LACTB: variants seen among roughly 807,000 people sequenced by gnomAD.
LACTB encodes the protein serine beta-lactamase-like protein LACTB, mitochondrial.
Under a neutral mutation model 50.2 loss-of-function variants are expected in LACTB, and 35 were observed. The observed-to-expected ratio is 0.70, with a 90% CI of 0.53 to 0.92. The LOEUF (loss-of-function observed/expected upper bound fraction) is 0.92. LACTB is among the 40% of genes least tolerant of loss of function. The pLI, the probability that LACTB is intolerant of heterozygous loss-of-function variation, is 0.00. For missense variants in LACTB, 664 were observed against 691.8 expected, an observed-to-expected ratio of 0.96 and a Z score of 0.45; for synonymous variants, 252 against 268.2, an observed-to-expected ratio of 0.94 and a Z score of 0.59.
At chr15:63,133,581 C>T (rs549322196) in intron 5 of LACTB, among the ~76,000 whole-genome samples, 2 of 152,284 alleles carry the variant, frequency 1.3e-5, no homozygotes, top group Non-Finnish European at 2.9e-5. Flanking sequence ...ATACCCTGCT[C>T]TCCAGCCTGG....
intron 3 of LACTB, 83 bp from the exon 4 acceptor site, chr15:63,127,270 T>G (rs1245224473): frequency 9.5e-6 from 11 of 1,158,598 alleles, no homozygotes; most frequent in Non-Finnish European, 9.8e-6. Flanking sequence ...GTGGAAAATA[T>G]TACTGAGACA....
At position 63,122,651 on chromosome 15, in the gene LACTB, C is replaced by G. The variant is rs2036992610; in HGVS notation, c.373C>G (p.Pro125Ala). Residue 125 changes from proline (P) to alanine (A), a missense_variant, in exon 2 of 6, where the codon CCG becomes GCG. By Grantham distance (27) the Pro-to-Ala change is conservative. Transcript: ENST00000261893. ...LHRIKDEVGA[P>A]GIVVGVSVDG... ...TCGGTCTTAGGATGAGGTGGGCGCA[C>G]CGGGCATAGTGGTTGGAGTTTCTGT... The G allele has an allele frequency of 6.2e-7, 1 of 1,613,600 alleles. No individual in the cohort carries two copies. The highest frequency in any genetic ancestry group is 8.5e-7 in the Non-Finnish European group (1 of 1,179,494).
intron 2 of LACTB, among the ~76,000 whole-genome samples, chr15:63,125,503 CAAGTAT>C (rs996334086): frequency 1.3e-5 from 2 of 152,052 alleles, no homozygotes; most frequent in African/African-American, 2.4e-5. Flanking sequence ...ATTCTTCCTT[CAAGTAT>C]AAGTATAATC....
intron 1 of LACTB, 27 bp from the exon 2 acceptor site, chr15:63,122,609 T>G (rs770507752): frequency 1.3e-6 from 2 of 1,585,516 alleles, no homozygotes; most frequent in East Asian, 2.2e-5. Flanking sequence ...GGCCCGTAAC[T>G]GTCGGTTCTT....
chr15:63,129,524 T>C lies in LACTB; in HGVS notation c.992T>C (p.Leu331Pro). Residue 331 changes from leucine (L) to proline (P), a missense_variant, in exon 5 of 6, where the codon CTG (leucine) becomes CCG (proline). By Grantham distance (98) the Leu-to-Pro change is moderately conservative (BLOSUM62 -3). Transcript: ENST00000261893. ...TATTCAACTTTTGGCTATACCCTACTGGCAGCCATAGTAGAGAGAGCTTCA... is the reference window on the plus strand; with the variant it reads ...TATTCAACTTTTGGCTATACCCTACCGGCAGCCATAGTAGAGAGAGCTTCA... The part of the protein sequence containing the change: ...FLYSTFGYTL[L>P]AAIVERASGC... 1.2e-6 allele frequency: 2 copies of C among 1,610,700 alleles called. No homozygotes were observed. The highest frequency in any genetic ancestry group is 1.1e-5 in the South Asian group (1 of 90,404).
chr15:63,122,580 G>A (rs1282638638), intron 1 of LACTB, 56 bp from the exon 2 acceptor site: 71 of 1,384,204 alleles, frequency 5.1e-5, no homozygotes, highest in Non-Finnish European at 6.8e-5. Flanking sequence ...CCCGAGGAGA[G>A]CGCTGGGCTT....
intron 5 of LACTB, among the ~76,000 whole-genome samples, chr15:63,134,259 A>C (rs1209734585): frequency 6.6e-6 from 1 of 152,142 alleles, no homozygotes; most frequent in Non-Finnish European, 1.5e-5. Context: ...AATATGATAA[A>C]GTACATTGCA....
chr15:63,127,443 T>C lies in LACTB; in HGVS notation c.706T>C (p.Tyr236His), dbSNP rs776738955. ...DIKKVKEEKA[Y>H]KALKMMKENV... ...AAAAAAGGTGAAAGAAGAGAAAGCTTATAAAGCCTTGAAGATGATGAAAGA... is the reference window on the plus strand; with the variant it reads ...AAAAAAGGTGAAAGAAGAGAAAGCTCATAAAGCCTTGAAGATGATGAAAGA... The change falls in exon 4 of 6, where the codon TAT (tyrosine) becomes CAT (histidine). Residue 236 changes from tyrosine to histidine, a missense_variant. Coordinates refer to ENST00000261893, the MANE Select transcript of LACTB (RefSeq NM_032857.5). 6.2e-7 allele frequency: 1 copy of C among 1,610,010 alleles called. No homozygotes were observed. Among genetic ancestry groups the C allele is most frequent in the Non-Finnish European group, 8.5e-7 (1 of 1,178,518 alleles).
chr15:63,125,250 C>T (rs527410944), intron 2 of LACTB, among the ~76,000 whole-genome samples: 4 of 151,662 alleles, frequency 2.6e-5, no homozygotes, highest in East Asian at 1.9e-4. Context: ...TCACCACAAC[C>T]TCCACCTCCC....
chr15:63,141,722 A>G lies in LACTB; in HGVS notation c.1561A>G (p.Ile521Val). The G allele has an allele frequency of 6.2e-7, 1 of 1,614,200 alleles. No individual in the cohort carries two copies. Among genetic ancestry groups the G allele is most frequent in the African/African-American group, 1.3e-5 (1 of 75,054 alleles). Reference sequence around the variant, plus strand: ...TCCCCCAAGAGGAATCATTGTTTCTATCATATGTAACATGCAATCTGTTGG... The same window carrying G: ...TCCCCCAAGAGGAATCATTGTTTCTGTCATATGTAACATGCAATCTGTTGG... ...KVPPRGIIVS[I>V]ICNMQSVGLN... is the part of the protein sequence containing the mutation. The change falls in exon 6 of 6, where the codon ATC becomes GTC. Residue 521 changes from isoleucine to valine, a missense_variant. Coordinates refer to ENST00000261893, the MANE Select transcript of LACTB (RefSeq NM_032857.5).
chr15:63,141,941 G>A lies in LACTB; in HGVS notation c.*136G>A. 3.0e-6 allele frequency: 2 copies of A among 665,034 alleles called. No individual in the cohort carries two copies. The highest frequency in any genetic ancestry group is 4.9e-6 in the Non-Finnish European group (2 of 405,564). The allele number at this position is 665,034 out of a possible 1,614,324, so 41.2% of individuals were successfully genotyped here. ...TGCAGAGAATTATGTACCTCTAATT[G>A]CTTAATTTTGTAATGGTCTTTTATT... On this transcript the variant is annotated 3_prime_UTR_variant, in exon 6 of 6. Transcript: ENST00000261893.
chr15:63,124,122 A>G (rs922647167), intron 2 of LACTB, among the ~76,000 whole-genome samples: 1 of 152,234 alleles, frequency 6.6e-6, no homozygotes, highest in African/African-American at 2.4e-5. Flanking sequence ...CCGCTAGACC[A>G]AGGAGTCCTT....
chr15:63,133,025 G>A (rs1013859062), intron 5 of LACTB, among the ~76,000 whole-genome samples: 2 of 152,086 alleles, frequency 1.3e-5, no homozygotes, highest in African/African-American at 4.8e-5. Context: ...TCAAGTTGAA[G>A]TTACTTACGT....
At chr15:63,139,197 A>C (rs796439470) in intron 5 of LACTB, among the ~76,000 whole-genome samples, 43,794 of 84,956 alleles carry the variant, frequency 0.52, 8,173 homozygotes, top group Non-Finnish European at 0.57. Flanking sequence ...AAAAATCCAA[A>C]AAAAAAAAAA....
rs761908040 is a variant in LACTB at position 63,141,737 on chromosome 15, C to A, written c.1576C>A (p.Gln526Lys). The A allele has an allele frequency of 1.9e-6, 3 of 1,614,008 alleles. No individual in the cohort carries two copies. Among genetic ancestry groups the A allele is most frequent in the Non-Finnish European group, 2.5e-6 (3 of 1,180,012 alleles). The change falls in exon 6 of 6, where the codon CAA becomes AAA. Residue 526 changes from glutamine to lysine, a missense_variant. Transcript: ENST00000261893. ...GIIVSIICNMQSVGLNSTALK... is the reference protein window; with the variant it reads ...GIIVSIICNMKSVGLNSTALK... ...CATTGTTTCTATCATATGTAACATGCAATCTGTTGGCCTCAATAGCACCGC... is the reference window on the plus strand; with the variant it reads ...CATTGTTTCTATCATATGTAACATGAAATCTGTTGGCCTCAATAGCACCGC...
At chr15:63,138,369 T>C (rs2037194502) in intron 5 of LACTB, among the ~76,000 whole-genome samples, 1 of 152,180 alleles carries the variant, frequency 6.6e-6, no homozygotes, top group South Asian at 2.1e-4. Context: ...TGATATAACA[T>C]TCTTGTGCAG....
At position 63,141,298 on chromosome 15, in the gene LACTB, A is replaced by G; in HGVS notation, c.1137A>G (p.Lys379=). Residue 379 remains lysine, a synonymous_variant, in exon 6 of 6, where the codon AAA becomes AAG. Coordinates refer to ENST00000261893, the MANE Select transcript of LACTB (RefSeq NM_032857.5). The part of the protein sequence containing the change: ...YNRARFYVYN[K]KKRLVNTPYV... ...CTTTTAGATTTTATGTTTACAATAA[A>G]AAGAAACGTCTTGTCAACACACCTT... 1 of 1,589,526 alleles carries G rather than the reference A, an allele frequency of 6.3e-7. No individual in the cohort carries two copies. The highest frequency in any genetic ancestry group is 8.6e-7 in the Non-Finnish European group (1 of 1,167,810).
At chr15:63,139,219 A>G (rs912543670) in intron 5 of LACTB, among the ~76,000 whole-genome samples, 2 of 142,010 alleles carry the variant, frequency 1.4e-5, no homozygotes, top group African/African-American at 5.2e-5. Context: ...AAAAAAAATT[A>G]GCTGGGCATA....
At chr15:63,129,391 A>G (rs553039101) in intron 4 of LACTB, 94 bp from the exon 5 acceptor site, 138 of 1,158,924 alleles carry the variant, frequency 1.2e-4, no homozygotes, top group Admixed American at 6.7e-4. Context: ...TCCAGTTTTA[A>G]AAGTATGCCA....
Sources: allele counts gnomAD v4.1 joint callset (sites outside exome capture counted in the v4.1 genomes callset), GRCh38; gene constraint gnomAD v4.1.1; transcripts MANE v1.5; gene names NCBI Gene and HGNC (gene_info 2026-07-23, HGNC 2026-07-21).